Variants in SPATA6L observed in about 807,000 individuals in gnomAD.
The protein encoded by SPATA6L is spermatogenesis associated 6 like.
A neutral mutation model predicts 49.2 loss-of-function variants in SPATA6L; 68 were observed. The ratio of observed to expected loss-of-function variants is 1.38; its 90% CI spans 1.14 to 1.69. SPATA6L has a LOEUF of 1.69. Ranked by LOEUF, SPATA6L falls within the 40% of genes most tolerant of loss-of-function variation. SPATA6L has a pLI of 0.00. For missense variants in SPATA6L, 668 were observed against 464.3 expected (o/e 1.44, Z -4.03); for synonymous variants, 198 against 165.7 (o/e 1.19, Z -1.50).
chr9:4,644,171 A>G (rs997512879), intron 3 of SPATA6L, among the ~76,000 whole-genome samples: 1 of 131,350 alleles, frequency 7.6e-6, no homozygotes. Flanking sequence ...ACATAGTAAG[A>G]TGCCATCTCT....
chr9:4,602,923 T>C (rs1234804258), intron 11 of SPATA6L, among the ~76,000 whole-genome samples: 1 of 152,202 alleles, frequency 6.6e-6, no homozygotes, highest in African/African-American at 2.4e-5. Context: ...TGAATTTGTT[T>C]AATACATGTG....
intron 2 of SPATA6L, among the ~76,000 whole-genome samples, chr9:4,659,704 A>T (rs1305893666): frequency 1.3e-5 from 2 of 152,208 alleles, no homozygotes; most frequent in African/African-American, 4.8e-5. Flanking sequence ...GAACCAAAAA[A>T]GAGCCCGCAT....
chr9:4,653,751 G>C (rs1051889023), intron 3 of SPATA6L, among the ~76,000 whole-genome samples: 4 of 152,044 alleles, frequency 2.6e-5, no homozygotes, highest in African/African-American at 9.7e-5. Context: ...CAACATAGTG[G>C]CATCCTGTCT....
At chr9:4,638,066 C>T (rs1038428761) in intron 3 of SPATA6L, among the ~76,000 whole-genome samples, 2 of 152,100 alleles carry the variant, frequency 1.3e-5, no homozygotes, top group Non-Finnish European at 2.9e-5. Flanking sequence ...ATAATCAATG[C>T]CCTCCAGGAG....
At position 4,625,442 on chromosome 9, in the gene SPATA6L, C is replaced by T. The variant is rs777942498; in HGVS notation, c.554G>A (p.Arg185Gln). ...LNRLPKGMQA[R>Q]APSQYSTRHF... ...CCTGGTAGAATATTGAGAGGGCGCC[C>T]GGGCTTGCATGCCTTTGGGCAGTCT... Residue 185 changes from arginine to glutamine, a missense_variant, in exon 6 of 12, where the codon CGG becomes CAG. Coordinates refer to ENST00000682582, the MANE Select transcript of SPATA6L (RefSeq NM_001353486.2). 6.6e-5 allele frequency: 106 copies of T among 1,613,940 alleles called. No homozygotes were observed. The highest frequency in any genetic ancestry group is 8.3e-5 in the Non-Finnish European group (98 of 1,180,012).
intron 7 of SPATA6L, among the ~76,000 whole-genome samples, chr9:4,620,257 A>T (rs1828974432): frequency 1.3e-5 from 2 of 151,922 alleles, no homozygotes; most frequent in African/African-American, 4.8e-5. Flanking sequence ...GTGGTCTCAT[A>T]ACCTCCTTCC....
chr9:4,648,009 A>G (rs1447343675), intron 3 of SPATA6L, among the ~76,000 whole-genome samples: 1 of 151,962 alleles, frequency 6.6e-6, no homozygotes, highest in African/African-American at 2.4e-5. Context: ...TACTTTTTGT[A>G]TTTTTAGTTG....
intron 10 of SPATA6L, 108 bp downstream of exon 10, chr9:4,605,239 C>T (rs1824453040): frequency 4.8e-6 from 4 of 827,094 alleles, no homozygotes; most frequent in Non-Finnish European, 7.9e-6. Flanking sequence ...CAATTTTCCA[C>T]TTATTTCTGT....
At chr9:4,626,849 C>G (rs10974660) in intron 5 of SPATA6L, 15,420 of 196,666 alleles carry the variant, frequency 0.078, 2,469 homozygotes, top group African/African-American at 0.33. Context: ...AAATGTTTAT[C>G]ATAAATTAAG....
At chr9:4,654,740 G>A (rs114465187) in intron 3 of SPATA6L, among the ~76,000 whole-genome samples, 1 of 152,126 alleles carries the variant, frequency 6.6e-6, no homozygotes, top group East Asian at 1.9e-4. Flanking sequence ...GTGTCGTTCT[G>A]CCAGTGCCAA....
At chr9:4,604,294 T>A in intron 10 of SPATA6L, 25 bp from the exon 11 acceptor site, 6 of 1,483,696 alleles carry the variant, frequency 4.0e-6, no homozygotes, top group Non-Finnish European at 4.7e-6. Flanking sequence ...AATCCAGCAA[T>A]TATGTTACCC....
intron 3 of SPATA6L, among the ~76,000 whole-genome samples, chr9:4,643,932 G>A (rs749250588): frequency 6.6e-6 from 1 of 151,282 alleles, no homozygotes; most frequent in African/African-American, 2.4e-5. Flanking sequence ...ACTTGAACAC[G>A]GGAGGTGGAT....
At chr9:4,639,166 T>C (rs1564254811) in intron 3 of SPATA6L, among the ~76,000 whole-genome samples, 1 of 152,194 alleles carries the variant, frequency 6.6e-6, no homozygotes, top group Non-Finnish European at 1.5e-5. Flanking sequence ...TTACCACGAT[T>C]GCTCCCTGAC....
In SPATA6L at chr9:4,599,123, T is replaced by C. The variant is rs1430002393; in HGVS notation, c.*1688A>G. 6.6e-6 allele frequency among the ~76,000 whole-genome samples: 1 copy of C among 152,240 alleles called. No homozygotes were observed. Among genetic ancestry groups the C allele is most frequent in the Non-Finnish European group, 1.5e-5 (1 of 68,040 alleles). ...GGTAGCCTGAAGGTAATTTTATACATGATTTTAAATAATTTGGAGCATGAA... is the reference window on the plus strand; with the variant it reads ...GGTAGCCTGAAGGTAATTTTATACACGATTTTAAATAATTTGGAGCATGAA... On this transcript the variant is annotated 3_prime_UTR_variant, in exon 12 of 12. Transcript: ENST00000682582.
At chr9:4,622,873 A>G (rs896031130) in intron 6 of SPATA6L, among the ~76,000 whole-genome samples, 18 of 152,340 alleles carry the variant, frequency 1.2e-4, no homozygotes, top group African/African-American at 4.1e-4. Context: ...AAACAGTATG[A>G]GTAGTGCTGG....
At chr9:4,635,605 G>C (rs1157453110) in intron 3 of SPATA6L, among the ~76,000 whole-genome samples, 1 of 151,594 alleles carries the variant, frequency 6.6e-6, no homozygotes, top group Non-Finnish European at 1.5e-5. Flanking sequence ...TCATAACAGA[G>C]AAAAAAAGAC....
In SPATA6L at chr9:4,627,913, G is replaced by A; in HGVS notation, c.429+1178C>T. The A allele has an allele frequency of 3.8e-6, 3 of 795,380 alleles. No individual in the cohort carries two copies. In the South Asian group the frequency reaches 4.3e-5, roughly 11 times the overall value. The allele number at this position is 795,380 out of a possible 1,614,324, so 49.3% of individuals were successfully genotyped here. On this transcript the variant is annotated intron_variant, in intron 5 of 11. Transcript: ENST00000682582. Reference sequence around the variant, plus strand: ...GAAATTATATTACATACACATAATGGAGTGCTATTCAGCCATTATTTTTTA... The same window carrying A: ...GAAATTATATTACATACACATAATGAAGTGCTATTCAGCCATTATTTTTTA...
chr9:4,622,439 C>A lies in SPATA6L; in HGVS notation c.741G>T (p.Lys247Asn). ...TCGTTGGAAACGGAAAGTCTGAAAA[C>A]TTAGATTTTCTTCTAGACCTCCTCA... ...HHLRRSRRKS[K>N]FSDFPFPTRR... Residue 247 changes from lysine to asparagine, a missense_variant, in exon 7 of 12, where the codon AAG becomes AAT. By Grantham distance (94) the Lys-to-Asn change is moderately conservative. Coordinates refer to ENST00000682582, the MANE Select transcript of SPATA6L (RefSeq NM_001353486.2). The A allele has an allele frequency of 1.2e-6, 2 of 1,613,796 alleles. No homozygotes were observed. Among genetic ancestry groups the A allele is most frequent in the Admixed American group, 1.7e-5 (1 of 60,016 alleles).
intron 11 of SPATA6L, 134 bp downstream of exon 11, chr9:4,604,045 T>G: frequency 1.7e-6 from 1 of 588,308 alleles, no homozygotes; most frequent in South Asian, 2.3e-5. Flanking sequence ...AAGAACGCAG[T>G]TCTCAGGTCT....
Sources: gnomAD v4.1 joint callset for allele counts (sites outside exome capture counted in the v4.1 genomes callset) on GRCh38, gnomAD v4.1.1 for gene constraint, MANE v1.5 for transcripts, NCBI Gene and HGNC (gene_info 2026-07-23, HGNC 2026-07-21) for gene names.